BAIAP3: variants seen among roughly 807,000 people sequenced by gnomAD.
BAIAP3 encodes the protein BAI1 associated protein 3, also known as BAI1-associated protein 3.
In BAIAP3, 180 loss-of-function variants were observed where a neutral mutation model predicts 149.7. The ratio of observed to expected loss-of-function variants is 1.20; its 90% confidence interval spans 1.07 to 1.36. BAIAP3 has a LOEUF of 1.36. BAIAP3 is among the 40% of genes most tolerant of loss of function. The probability of loss-of-function intolerance (pLI) is 0.00; values close to 1 mark genes in which losing one functional copy is unlikely to be tolerated. For missense variants in BAIAP3, 1,767 were observed against 1,563.4 expected (o/e 1.13, Z -2.20); for synonymous variants, 845 against 670.7 (o/e 1.26, Z -4.02).
chr16:1,340,806 C>A, intron 5 of BAIAP3, 116 bp from the exon 6 acceptor site: 1 of 1,113,240 alleles, frequency 9.0e-7, no homozygotes, highest in Non-Finnish European at 1.3e-6. Context: ...CCCAACCCTG[C>A]ACCCGTGAGG....
intron 1 of BAIAP3, among the ~76,000 whole-genome samples, chr16:1,336,949 C>T (rs1464591215): frequency 6.6e-6 from 1 of 152,112 alleles, no homozygotes; most frequent in East Asian, 1.9e-4. Flanking sequence ...GCGCGGTGTC[C>T]TAGAAATCAG....
Position 1,346,283 on chromosome 16 carries a change from T to G in BAIAP3, c.2415T>G (p.Pro805=). ...ATGPEGVLPR[P]LLSCTQALDD... The stretch of plus-strand genomic sequence containing the variant: ...GGCCCGAGGGGGTGCTCCCCCGCCC[T>G]CTGCTCAGCTGCACACAGGCCCTGG... Residue 805 remains proline, a synonymous_variant, in exon 25 of 34, where the codon CCT becomes CCG. Coordinates refer to ENST00000426824, the MANE Select transcript of BAIAP3 (RefSeq NM_001199097.2). 1 of 1,608,082 alleles carries G rather than the reference T, an allele frequency of 6.2e-7. No homozygotes were observed. The highest frequency in any genetic ancestry group is 8.5e-7 in the Non-Finnish European group (1 of 1,176,690).
intron 13 of BAIAP3, 36 bp from the exon 14 acceptor site, chr16:1,342,877 G>A (rs1172813116): frequency 1.9e-6 from 3 of 1,611,784 alleles, no homozygotes; most frequent in Non-Finnish European, 2.5e-6. Flanking sequence ...ATGTGGGGCT[G>A]TCCCGCCTCC....
rs778099100 is a variant in BAIAP3 at position 1,338,575 on chromosome 16, G to C, written c.26G>C (p.Ser9Thr). MSTLLDIK[S>T]SVLRQVQVCP... ...ATGTCGACCTTGCTGGACATTAAGA[G>C]CAGCGTGCTCAGGCAGGTGCAGGTG... The change falls in exon 2 of 34, where the codon AGC becomes ACC. Residue 9 changes from serine to threonine, a missense_variant. Coordinates refer to ENST00000426824, the MANE Select transcript of BAIAP3 (RefSeq NM_001199097.2). 46 of 1,610,048 alleles carry C rather than the reference G, an allele frequency of 2.9e-5. No individual in the cohort carries two copies. The Middle Eastern group carries it at 5.2e-4, about 18-fold the overall frequency.
Position 1,344,318 on chromosome 16 carries a change from G to C in BAIAP3, c.1602+1G>C, listed in dbSNP as rs762057807. ...CATGGACATTGCTGCGGCCCTGAAG[G>C]TGTGTTCCAAAGCCCAGTGGAGGCC... On this transcript the variant is annotated splice_donor_variant, in intron 17 of 33. Coordinates refer to ENST00000426824, the MANE Select transcript of BAIAP3 (RefSeq NM_001199097.2). LOFTEE classifies it high-confidence loss of function. 3 of 1,613,688 alleles carry C rather than the reference G, an allele frequency of 1.9e-6. No homozygotes were observed. Among genetic ancestry groups the C allele is most frequent in the African/African-American group, 2.7e-5 (2 of 74,924 alleles).
intron 1 of BAIAP3, chr16:1,336,063 C>T (rs897363184): frequency 4.5e-6 from 1 of 220,686 alleles, no homozygotes; most frequent in African/African-American, 2.3e-5. Context: ...AAGACACCCC[C>T]TCCCCAACCC....
At position 1,342,216 on chromosome 16, in the gene BAIAP3, A is replaced by T. The variant is rs1361170724; in HGVS notation, c.890A>T (p.Asn297Ile). Residue 297 changes from asparagine to isoleucine, a missense_variant, in exon 11 of 34, where the codon AAC (asparagine) becomes ATC (isoleucine). Physicochemically the swap from Asn to Ile is moderately radical, Grantham distance 149. Coordinates refer to ENST00000426824, the MANE Select transcript of BAIAP3 (RefSeq NM_001199097.2). ...FKQIVKSARA[N>I]GTAGPTEDHT... Reference sequence around the variant, plus strand: ...CAGATCGTCAAGTCAGCCCGCGCAAACGGGACAGCAGGACCCACCGAGGAC... The same window carrying T: ...CAGATCGTCAAGTCAGCCCGCGCAATCGGGACAGCAGGACCCACCGAGGAC... The T allele has an allele frequency of 6.2e-7, 1 of 1,601,280 alleles. No individual in the cohort carries two copies. Among genetic ancestry groups the T allele is most frequent in the East Asian group, 2.3e-5 (1 of 44,380 alleles).
chr16:1,345,879 C>T lies in BAIAP3; in HGVS notation c.2197C>T (p.Gln733Ter). ...TGCCCAGGCTCAGGGGCTGGGCACC[C>T]AGCTTGGCCAGGTGTGTGGGTGGGC... ...DPAQAQGLGT[Q>*]LGQDVCEATL... is the part of the protein sequence containing the mutation. Residue 733 changes from glutamine (Q) to a stop codon, truncating the protein, a stop_gained, in exon 23 of 34, where the codon CAG (glutamine) becomes TAG (stop). Coordinates refer to ENST00000426824, the MANE Select transcript of BAIAP3 (RefSeq NM_001199097.2). LOFTEE classifies it high-confidence loss of function. The T allele has an allele frequency of 6.3e-7, 1 of 1,576,876 alleles. No individual in the cohort carries two copies. Among genetic ancestry groups the T allele is most frequent in the Non-Finnish European group, 8.6e-7 (1 of 1,162,412 alleles).
In BAIAP3 at chr16:1,342,180, G is replaced by C; in HGVS notation, c.855-1G>C. ...TGATGCTCACCACCTGTGGTGGCCA[G>C]GTACTTCAAACAGATCGTCAAGTCA... On this transcript the variant is annotated splice_acceptor_variant, in intron 10 of 33. Transcript: ENST00000426824. LOFTEE classifies it high-confidence loss of function. 1 of 1,598,036 alleles carries C rather than the reference G, an allele frequency of 6.3e-7. No individual in the cohort carries two copies.
rs763241828 is a variant in BAIAP3 at position 1,344,193 on chromosome 16, G to C, written c.1512-34G>C. On this transcript the variant is annotated intron_variant, in intron 16 of 33. Transcript: ENST00000426824. The stretch of plus-strand genomic sequence containing the variant: ...AGCGTGGGTGGGGGCGGCTGGCAGG[G>C]CAGGCCCCACGTCAGCGTGCTGCCC... 1.9e-6 allele frequency: 3 copies of C among 1,612,562 alleles called. No individual in the cohort carries two copies. In the South Asian group the frequency reaches 3.3e-5, roughly 18 times the overall value.
At position 1,341,289 on chromosome 16, in the gene BAIAP3, C is replaced by T. The variant is rs1263456702; in HGVS notation, c.536-5C>T. 6 of 1,607,192 alleles carry T rather than the reference C, an allele frequency of 3.7e-6. No homozygotes were observed. The highest frequency in any genetic ancestry group is 5.1e-6 in the Non-Finnish European group (6 of 1,175,996). ...GGCCAGGGCTGAGACGCCTGCCGTG[C>T]CCAGGCTTCAGCGACCCATACTGCA... On this transcript the variant is annotated splice_region_variant and splice_polypyrimidine_tract_variant and intron_variant, in intron 7 of 33. Coordinates refer to ENST00000426824, the MANE Select transcript of BAIAP3 (RefSeq NM_001199097.2).
chr16:1,341,618 G>A (rs2033933881), intron 8 of BAIAP3, 129 bp downstream of exon 8: 4 of 1,308,610 alleles, frequency 3.1e-6, no homozygotes, highest in Admixed American at 2.3e-5. Context: ...CTTTCCAGAG[G>A]AGAAAACTGA....
In BAIAP3 at chr16:1,346,429, C is replaced by A; in HGVS notation, c.2494-13C>A. 1 of 1,612,274 alleles carries A rather than the reference C, an allele frequency of 6.2e-7. No homozygotes were observed. Among genetic ancestry groups the A allele is most frequent in the East Asian group, 2.2e-5 (1 of 44,858 alleles). ...TGCCCCCTGCCCGTGCTGAGCACTGCTCCTGCCCTCAGATGGTGGGCGACA... is the reference window on the plus strand; with the variant it reads ...TGCCCCCTGCCCGTGCTGAGCACTGATCCTGCCCTCAGATGGTGGGCGACA... On this transcript the variant is annotated splice_polypyrimidine_tract_variant and intron_variant, in intron 25 of 33. Coordinates refer to ENST00000426824, the MANE Select transcript of BAIAP3 (RefSeq NM_001199097.2).
chr16:1,339,451 G>T (rs1475052508), intron 4 of BAIAP3, 45 bp from the exon 5 acceptor site: 1 of 1,566,900 alleles, frequency 6.4e-7, no homozygotes, highest in Admixed American at 1.8e-5. Flanking sequence ...CTGAGGGCTG[G>T]GGGCCTGGGA....
intron 16 of BAIAP3, 31 bp downstream of exon 16, chr16:1,344,177 G>T (rs377401118): frequency 6.2e-7 from 1 of 1,612,172 alleles, no homozygotes; most frequent in East Asian, 2.2e-5. Context: ...CAGCGTGGGT[G>T]GGGGCGGCTG....
chr16:1,339,966 AC>A (rs2033773202), intron 5 of BAIAP3, among the ~76,000 whole-genome samples: 1 of 145,422 alleles, frequency 6.9e-6, no homozygotes. Flanking sequence ...ACACAGACGC[AC>A]GCACACACAC....
Position 1,346,345 on chromosome 16 carries a change from C to T in BAIAP3, c.2477C>T (p.Ala826Val), listed in dbSNP as rs771761904. 30 of 1,605,804 alleles carry T rather than the reference C, an allele frequency of 1.9e-5. No individual in the cohort carries two copies. Among genetic ancestry groups the T allele is most frequent in the African/African-American group, 5.3e-5 (4 of 74,806 alleles). ...CAACGGGAGGCCCACACGGTGACAG[C>T]GCACCTGACCTCTAAGGTGGGTGGG... is the stretch of plus-strand genomic sequence containing the variant. ...DLQREAHTVT[A>V]HLTSKMVGDI... Residue 826 changes from alanine (A) to valine (V), a missense_variant, in exon 25 of 34, where the codon GCG becomes GTG. Transcript: ENST00000426824.
intron 15 of BAIAP3, among the ~76,000 whole-genome samples, 188 bp from the exon 16 acceptor site, chr16:1,343,834 G>A (rs1001002415): frequency 2.6e-5 from 4 of 152,224 alleles, no homozygotes; most frequent in Non-Finnish European, 4.4e-5. Context: ...CGTGAGCTGC[G>A]TGGGTGGAAA....
chr16:1,339,070 T>C, intron 3 of BAIAP3, 81 bp downstream of exon 3: 1 of 1,601,126 alleles, frequency 6.2e-7, no homozygotes, highest in Admixed American at 1.7e-5. Context: ...CCTCCTGCCC[T>C]CGCTCCCACC....
Sources: gnomAD v4.1 joint callset for allele counts (sites outside exome capture counted in the v4.1 genomes callset) on GRCh38, gnomAD v4.1.1 for gene constraint, MANE v1.5 for transcripts, NCBI Gene and HGNC (gene_info 2026-07-23, HGNC 2026-07-21) for gene names.